Variants in MIER2 observed in about 807,000 individuals in gnomAD.
MIER2 encodes MIER family member 2, also known as mesoderm induction early response protein 2.
In MIER2, 30 loss-of-function variants were observed where a neutral mutation model predicts 67.6. That is an observed-to-expected ratio of 0.44 (90% CI 0.33 to 0.60). The LOEUF is 0.60. Ranked by LOEUF, MIER2 falls within the 20% of genes least tolerant of loss-of-function variation. The pLI, the probability that MIER2 is intolerant of heterozygous loss-of-function variation, is 0.02. For synonymous variants in MIER2, 372 were observed against 312.6 expected, an observed-to-expected ratio of 1.19 and a Z score of -2.00; for missense variants, 702 against 745.1, an observed-to-expected ratio of 0.94 and a Z score of 0.67.
chr19:308,489 C>G lies in MIER2; in HGVS notation c.1198+88G>C. 1 of 1,374,476 alleles carries G rather than the reference C, an allele frequency of 7.3e-7. No homozygotes were observed. The highest frequency in any genetic ancestry group is 9.9e-7 in the Non-Finnish European group (1 of 1,013,642). 85.1% of individuals were successfully genotyped at this position (1,374,476 alleles called of 1,614,324 possible). A position where few individuals can be genotyped will look rare whatever the true frequency, so the allele number is the denominator to read the frequency against. ...CTGGCGAGGCTGGCCCAGCACAGGG[C>G]GCCAGGCAGGAGAGGCTCCACCGGG... On this transcript the variant is annotated intron_variant, in intron 12 of 13. Transcript: ENST00000264819. This position sits in a 1 kb window ranked among gnomAD's most constrained non-coding sequence, Gnocchi z 9.1.
intron 6 of MIER2, 38 bp downstream of exon 6, chr19:326,469 C>T (rs997729734): frequency 6.4e-7 from 1 of 1,568,644 alleles, no homozygotes; most frequent in South Asian, 1.1e-5. Flanking sequence ...AGAACCACGG[C>T]CGGGATGCCA....
rs147283101 is a variant in MIER2, at chr19:335,945, C to T, written c.100+138G>A. 41 of 770,258 alleles carry T rather than the reference C, an allele frequency of 5.3e-5. No individual in the cohort carries two copies. In the African/African-American group the frequency reaches 5.4e-4, roughly 10 times the overall value. 47.7% of individuals were successfully genotyped at this position (770,258 alleles called of 1,614,324 possible). ...ACTCTGCCCCACAGCTCCATCTGAA[C>T]GGGTGGGAGCTGGGACACCCTGGAC... On this transcript the variant is annotated intron_variant, in intron 2 of 13. Transcript: ENST00000264819.
At chr19:330,398 A>C (rs1434781746) in intron 3 of MIER2, 1 of 151,708 alleles carries the variant, frequency 6.6e-6, no homozygotes, top group East Asian at 1.9e-4. Flanking sequence ...AAATACAAAA[A>C]ATTAGCCAGG....
chr19:307,696 GC>G (rs1309307743), intron 12 of MIER2, among the ~76,000 whole-genome samples, 160 bp from the exon 13 acceptor site: 6 of 152,202 alleles, frequency 3.9e-5, no homozygotes, highest in Non-Finnish European at 8.8e-5. Context: ...AAATCCGCGA[GC>G]CCCAGGTTAA....
chr19:322,094 G>A (rs1169639329), intron 7 of MIER2, among the ~76,000 whole-genome samples: 1 of 151,734 alleles, frequency 6.6e-6, no homozygotes, highest in African/African-American at 2.4e-5. Flanking sequence ...TAGTAGAGAC[G>A]GGGTTTCACC....
chr19:337,740 G>A (rs867664771), intron 1 of MIER2, among the ~76,000 whole-genome samples: 1 of 151,846 alleles, frequency 6.6e-6, no homozygotes, highest in African/African-American at 2.4e-5. Flanking sequence ...ATTGTGGCAT[G>A]TGCCTGTAAT....
At chr19:334,335 A>C (rs548260990) in intron 3 of MIER2, 65 bp downstream of exon 3, 1 of 1,600,098 alleles carries the variant, frequency 6.2e-7, no homozygotes, top group South Asian at 1.1e-5. Context: ...AGCTGCACAA[A>C]ACTCATGAGG....
chr19:330,650 G>A (rs1476479785), intron 3 of MIER2, among the ~76,000 whole-genome samples: 2 of 152,154 alleles, frequency 1.3e-5, no homozygotes, highest in African/African-American at 2.4e-5. Flanking sequence ...TGGAGACGGG[G>A]CATTTACAGA....
At chr19:320,800 G>C (rs995621026) in intron 7 of MIER2, among the ~76,000 whole-genome samples, 4 of 152,218 alleles carry the variant, frequency 2.6e-5, no homozygotes, top group African/African-American at 9.6e-5. Flanking sequence ...AAAAGGTTGG[G>C]AGCCACTGTC....
chr19:335,782 T>C (rs1245764918), intron 2 of MIER2, among the ~76,000 whole-genome samples: 1 of 152,052 alleles, frequency 6.6e-6, no homozygotes, highest in Non-Finnish European at 1.5e-5. Flanking sequence ...CCCAACACCC[T>C]GGCAAGATGA....
intron 1 of MIER2, among the ~76,000 whole-genome samples, chr19:337,086 C>T (rs547462375): frequency 1.3e-5 from 2 of 152,020 alleles, no homozygotes; most frequent in Non-Finnish European, 2.9e-5. Context: ...TCAAGTGATC[C>T]GCCCGCCTCG....
In MIER2 at chr19:306,650, A is replaced by C. The variant is rs907601610; in HGVS notation, c.*40T>G. On this transcript the variant is annotated 3_prime_UTR_variant, in exon 14 of 14. Transcript: ENST00000264819. ...CAGAGGCGGGCCCAGCGGCAGCGCTAAGTCCAGTCTGGGCCGCATACGCCG... is the reference window on the plus strand; with the variant it reads ...CAGAGGCGGGCCCAGCGGCAGCGCTCAGTCCAGTCTGGGCCGCATACGCCG... The C allele has an allele frequency of 5.0e-5, 78 of 1,551,090 alleles. No individual in the cohort carries two copies. Among genetic ancestry groups the C allele is most frequent in the Non-Finnish European group, 6.7e-5 (77 of 1,147,082 alleles).
At chr19:331,269 A>C (rs1009394312) in intron 3 of MIER2, among the ~76,000 whole-genome samples, 5 of 151,778 alleles carry the variant, frequency 3.3e-5, no homozygotes, top group Admixed American at 2.6e-4. Context: ...AAGGCACGAG[A>C]ATCACTTGAA....
At chr19:321,762 T>C (rs1249688859) in intron 7 of MIER2, among the ~76,000 whole-genome samples, 3 of 152,160 alleles carry the variant, frequency 2.0e-5, no homozygotes, top group Admixed American at 6.5e-5. Context: ...TCAGACTTCC[T>C]TGTAACCTGT....
chr19:311,571 C>G (rs1356047433), intron 10 of MIER2, among the ~76,000 whole-genome samples: 1 of 151,516 alleles, frequency 6.6e-6, no homozygotes, highest in Admixed American at 6.6e-5. Context: ...GCCCAGGGCC[C>G]TGGGGTGGAA....
At position 325,320 on chromosome 19, in the gene MIER2, G is replaced by A. The variant is rs138759686; in HGVS notation, c.655+315C>T. Among the ~76,000 whole-genome samples, 466 of 152,320 alleles carry A rather than the reference G, an allele frequency of 3.1e-3. 1 individual carries two copies. Among genetic ancestry groups the A allele is most frequent in the African/African-American group, 0.011 (439 of 41,576 alleles). On this transcript the variant is annotated intron_variant, in intron 7 of 13. Transcript: ENST00000264819. ...CCGGCACAGAGCCATCGAATGCAGC[G>A]GCCCAGGCTGTGGGGAGGCGGCTGG...
At chr19:335,646 G>A (rs1184515885) in intron 2 of MIER2, among the ~76,000 whole-genome samples, 2 of 152,212 alleles carry the variant, frequency 1.3e-5, no homozygotes, top group African/African-American at 4.8e-5. Context: ...TGGCTGGCAG[G>A]CGGGCATGGG....
chr19:344,724 G>T (rs937265848), intron 1 of MIER2, 50 bp downstream of exon 1: 10 of 1,112,006 alleles, frequency 9.0e-6, no homozygotes, highest in Non-Finnish European at 1.1e-5. Flanking sequence ...GCGGCGGGGG[G>T]CGCGGACGCG....
chr19:310,619 CA>C, intron 10 of MIER2, among the ~76,000 whole-genome samples: 1 of 59,666 alleles, frequency 1.7e-5, no homozygotes, highest in Non-Finnish European at 3.0e-5. Context: ...TATAGAAACA[CA>C]GCCCGGAGCT....
Sources: allele counts gnomAD v4.1 joint callset (sites outside exome capture counted in the v4.1 genomes callset), GRCh38; gene constraint gnomAD v4.1.1; non-coding constraint Gnocchi (gnomAD v3.1); transcripts MANE v1.5; gene names NCBI Gene and HGNC (gene_info 2026-07-23, HGNC 2026-07-21).